EYS: variants seen among roughly 807,000 people sequenced by gnomAD.
EYS encodes EGF-like photoreceptor maintenance factor, also known as protein eyes shut homolog.
Under a neutral mutation model 282.1 loss-of-function variants are expected in EYS, and 250 were observed. The ratio of observed to expected loss-of-function variants is 0.89; its 90% CI spans 0.80 to 0.98. EYS has a LOEUF of 0.98. Ranked by LOEUF, EYS falls within the 50% of genes least tolerant of loss-of-function variation. The pLI, the probability that EYS is intolerant of heterozygous loss-of-function variation, is 0.00. For synonymous variants in EYS, 1,355 were observed against 1,282.9 expected (o/e 1.06, Z -1.20); for missense variants, 4,016 against 3,709.0 (o/e 1.08, Z -2.15).
At chr6:64,800,309 A>G (rs1022930317) in intron 22 of EYS, among the ~76,000 whole-genome samples, 1 of 151,976 alleles carries the variant, frequency 6.6e-6, no homozygotes, top group African/African-American at 2.4e-5. Flanking sequence ...AGTACTATCA[A>G]CCTAGACTAC....
chr6:65,223,035 C>A (rs1766512372), intron 12 of EYS, among the ~76,000 whole-genome samples: 1 of 152,056 alleles, frequency 6.6e-6, no homozygotes, highest in African/African-American at 2.4e-5. Flanking sequence ...GTAAGAATTC[C>A]AAAATTCAGT....
chr6:64,540,730 C>T (rs1207795319), intron 26 of EYS, among the ~76,000 whole-genome samples: 11 of 152,078 alleles, frequency 7.2e-5, no homozygotes, highest in African/African-American at 2.2e-4. Context: ...GTGACCCACA[C>T]GCCTCGGCCT....
chr6:64,635,592 T>C (rs1767947834), intron 22 of EYS, among the ~76,000 whole-genome samples: 1 of 152,356 alleles, frequency 6.6e-6, no homozygotes. Flanking sequence ...CATGTGGTAT[T>C]TGTCTTTGGT....
intron 31 of EYS, among the ~76,000 whole-genome samples, chr6:64,097,337 C>T (rs938951169): frequency 1.3e-5 from 2 of 152,180 alleles, no homozygotes; most frequent in Non-Finnish European, 2.9e-5. Flanking sequence ...TTTAGCTATG[C>T]CCTGCCCCCA....
intron 31 of EYS, among the ~76,000 whole-genome samples, chr6:64,123,286 T>C (rs1278200533): frequency 6.6e-6 from 1 of 152,196 alleles, no homozygotes; most frequent in Non-Finnish European, 1.5e-5. Context: ...CCTCATATAG[T>C]TACTAATATT....
At chr6:64,796,644 A>G (rs1175370058) in intron 22 of EYS, among the ~76,000 whole-genome samples, 2 of 152,140 alleles carry the variant, frequency 1.3e-5, no homozygotes, top group African/African-American at 4.8e-5. Context: ...CACAGACGCT[A>G]TATTCTGAGG....
intron 13 of EYS, among the ~76,000 whole-genome samples, chr6:65,008,898 T>C (rs1426892853): frequency 1.3e-5 from 2 of 152,136 alleles, no homozygotes; most frequent in African/African-American, 4.8e-5. Context: ...TCTGTCACTA[T>C]CCGAGGGGGT....
At chr6:65,427,317 T>C (rs1360848390) in intron 5 of EYS, among the ~76,000 whole-genome samples, 1 of 152,066 alleles carries the variant, frequency 6.6e-6, no homozygotes, top group African/African-American at 2.4e-5. Flanking sequence ...TGAAAATTAA[T>C]TGAGATGATG....
intron 15 of EYS, among the ~76,000 whole-genome samples, chr6:64,924,262 G>A (rs902335567): frequency 8.5e-5 from 13 of 152,296 alleles, no homozygotes; most frequent in African/African-American, 3.1e-4. Flanking sequence ...AGCCCAAGCT[G>A]TACTTTGGTC....
intron 2 of EYS, among the ~76,000 whole-genome samples, chr6:65,573,559 T>C (rs1305502735): frequency 1.3e-5 from 2 of 152,146 alleles, no homozygotes; most frequent in African/African-American, 4.8e-5. Flanking sequence ...CATGCATATG[T>C]TCACGCAGGT....
At chr6:64,899,687 T>C (rs1350053411) in intron 18 of EYS, among the ~76,000 whole-genome samples, 1 of 151,956 alleles carries the variant, frequency 6.6e-6, no homozygotes, top group East Asian at 1.9e-4. Context: ...TTGATGAACC[T>C]CTTCAAGGGG....
At chr6:65,647,874 A>C (rs1349942137) in intron 1 of EYS, among the ~76,000 whole-genome samples, 1 of 152,208 alleles carries the variant, frequency 6.6e-6, no homozygotes, top group Non-Finnish European at 1.5e-5. Context: ...GGCTAAGGAC[A>C]TGAAAAGACA....
Position 65,410,881 on chromosome 6 carries a change from T to A in EYS, c.863-5514A>T, listed in dbSNP as rs192226494. On this transcript the variant is annotated intron_variant, in intron 5 of 42. Transcript: ENST00000503581. Reference sequence around the variant, plus strand: ...TATTCAGCCATATAAAATAATTAAATTCTGCTATTTGTGAGAAGGATGGAA... The same window carrying A: ...TATTCAGCCATATAAAATAATTAAAATCTGCTATTTGTGAGAAGGATGGAA... Among the ~76,000 whole-genome samples the A allele has an allele frequency of 6.0e-3, 915 of 152,088 alleles. 2 individuals are homozygous for A. Among genetic ancestry groups the A allele is most frequent in the Non-Finnish European group, 0.01 (683 of 67,912 alleles).
intron 13 of EYS, among the ~76,000 whole-genome samples, chr6:65,012,955 T>G (rs1771926882): frequency 6.6e-6 from 1 of 152,134 alleles, no homozygotes; most frequent in Non-Finnish European, 1.5e-5. Context: ...AACAAGATCT[T>G]TTTCTGAAAC....
chr6:64,534,207 G>T (rs943851611), intron 26 of EYS, among the ~76,000 whole-genome samples: 3 of 151,596 alleles, frequency 2.0e-5, no homozygotes, highest in African/African-American at 4.8e-5. Flanking sequence ...AAAATTGAAT[G>T]CATACGAATT....
At chr6:65,556,663 T>C (rs918157811) in intron 2 of EYS, among the ~76,000 whole-genome samples, 1 of 152,114 alleles carries the variant, frequency 6.6e-6, no homozygotes, top group African/African-American at 2.4e-5. Context: ...CAGAAAAAAA[T>C]ATTAGCAATA....
chr6:65,407,412 TGCCCA>T (rs1011002766), intron 5 of EYS, among the ~76,000 whole-genome samples: 3 of 151,966 alleles, frequency 2.0e-5, no homozygotes, highest in African/African-American at 7.2e-5. Flanking sequence ...TGCATCACCA[TGCCCA>T]GATAATTTTT....
intron 1 of EYS, among the ~76,000 whole-genome samples, chr6:65,687,452 A>T (rs1007118213): frequency 6.6e-6 from 1 of 152,040 alleles, no homozygotes; most frequent in Non-Finnish European, 1.5e-5. Context: ...TTTGTAATAA[A>T]TTACCACCTC....
intron 22 of EYS, among the ~76,000 whole-genome samples, chr6:64,682,378 A>C (rs552331746): frequency 3.3e-5 from 5 of 151,906 alleles, no homozygotes; most frequent in East Asian, 1.9e-4. Context: ...AAAACAACAA[A>C]AACAACAACA....
Sources: allele counts gnomAD v4.1 joint callset (sites outside exome capture counted in the v4.1 genomes callset), GRCh38; gene constraint gnomAD v4.1.1; transcripts MANE v1.5; gene names NCBI Gene and HGNC (gene_info 2026-07-23, HGNC 2026-07-21).